The following AAK1 variants were observed in gnomAD, a reference collection of about 807,000 sequenced individuals.
The protein encoded by AAK1 is AP2-associated protein kinase 1.
In AAK1, 37 loss-of-function variants were observed where a neutral mutation model predicts 116.0. The ratio of observed to expected loss-of-function variants is 0.32; its 90% confidence interval spans 0.25 to 0.42. AAK1 has a LOEUF of 0.42. Among genes scored for constraint, AAK1 ranks in the 10% least tolerant of loss-of-function variants. The pLI is 1.00. For synonymous variants in AAK1, 458 were observed against 439.9 expected (o/e 1.04, Z -0.51); for missense variants, 919 against 1,170.6 (o/e 0.79, Z 3.14).
chr2:69,595,469 G>T (rs1673239250), intron 2 of AAK1, among the ~76,000 whole-genome samples: 1 of 152,198 alleles, frequency 6.6e-6, no homozygotes, highest in Non-Finnish European at 1.5e-5. Context: ...GTTTTAGTGT[G>T]CTGGATATAA....
chr2:69,514,415 C>T lies in AAK1; in HGVS notation c.1776+56G>A, dbSNP rs1482285081. ...GCCATCTTTCCCACCCTTCCCCTAG[C>T]TCTCGCTGCACATTCCTCTGCTGCT... is the stretch of plus-strand genomic sequence containing the variant. On this transcript the variant is annotated intron_variant, in intron 13 of 21. Coordinates refer to ENST00000409085, the MANE Select transcript of AAK1 (RefSeq NM_014911.5). The T allele has an allele frequency of 2.0e-6, 3 of 1,468,012 alleles. No individual in the cohort carries two copies. The African/African-American group carries it at 4.2e-5, about 21-fold the overall frequency. 90.9% of individuals were successfully genotyped at this position (1,468,012 alleles called of 1,614,324 possible).
chr2:69,473,215 G>T lies in AAK1; in HGVS notation c.*2654C>A. 1 of 870,716 alleles carries T rather than the reference G, an allele frequency of 1.1e-6. No homozygotes were observed. The highest frequency in any genetic ancestry group is 1.4e-6 in the Non-Finnish European group (1 of 725,304). 53.9% of individuals were successfully genotyped at this position (870,716 alleles called of 1,614,324 possible). ...ATCCCAGGTGGCCTGTCCTGCCCAG[G>T]CCTCTTCTCCCCCGACCCTGTTCAA... On this transcript the variant is annotated 3_prime_UTR_variant, in exon 22 of 22. Coordinates refer to ENST00000409085, the MANE Select transcript of AAK1 (RefSeq NM_014911.5).
intron 2 of AAK1, among the ~76,000 whole-genome samples, chr2:69,570,954 T>C (rs201300242): frequency 8.3e-6 from 1 of 119,844 alleles, no homozygotes; most frequent in East Asian, 3.4e-4. Context: ...AGCTCTAAGT[T>C]TGGTGTAGAT....
chr2:69,561,068 C>T (rs1671615104), intron 2 of AAK1, among the ~76,000 whole-genome samples: 1 of 152,154 alleles, frequency 6.6e-6, no homozygotes, highest in Non-Finnish European at 1.5e-5. Context: ...GTGAAATCTC[C>T]ACATTTAAAC....
At chr2:69,589,288 T>C (rs981167973) in intron 2 of AAK1, among the ~76,000 whole-genome samples, 4 of 152,170 alleles carry the variant, frequency 2.6e-5, no homozygotes, top group Non-Finnish European at 5.9e-5. Context: ...AATATAATTA[T>C]TGGACTCTGA....
Position 69,519,158 on chromosome 2 carries a change from A to G in AAK1, c.1293T>C (p.Thr431=). ...GAGGAGCCTGTGGCTGCTTGGCCTG[A>G]GTTTGCGGCAGAGGCTGGCTGGGTG... The part of the protein sequence containing the change: ...QAPPSQPLPQ[T]QAKQPQAPPT... Residue 431 remains threonine (T), a synonymous_variant, in exon 12 of 22, where the codon ACT becomes ACC. Transcript: ENST00000409085. 6.3e-7 allele frequency: 1 copy of G among 1,581,616 alleles called. No individual in the cohort carries two copies. The highest frequency in any genetic ancestry group is 8.6e-7 in the Non-Finnish European group (1 of 1,163,484).
chr2:69,637,948 C>A (rs1310562467), intron 2 of AAK1, among the ~76,000 whole-genome samples: 4 of 152,132 alleles, frequency 2.6e-5, no homozygotes, highest in Non-Finnish European at 5.9e-5. Flanking sequence ...GTTAGAAAGA[C>A]TGAAAGAAAG....
At chr2:69,504,559 G>A (rs1057372045) in intron 16 of AAK1, among the ~76,000 whole-genome samples, 1 of 152,128 alleles carries the variant, frequency 6.6e-6, no homozygotes, top group Admixed American at 6.5e-5. Context: ...CCTGAGATCA[G>A]GAGTTCAAGA....
Position 69,468,993 on chromosome 2 carries a change from C to A in AAK1, c.*6876G>T. ...ATTTACAAAAACAGTCACAAAAACACCAGAATATCAAGTTTGAAGGGAAAA... is the reference window on the plus strand; with the variant it reads ...ATTTACAAAAACAGTCACAAAAACAACAGAATATCAAGTTTGAAGGGAAAA... On this transcript the variant is annotated 3_prime_UTR_variant, in exon 22 of 22. Coordinates refer to ENST00000409085, the MANE Select transcript of AAK1 (RefSeq NM_014911.5). 1.0e-6 allele frequency: 1 copy of A among 985,348 alleles called. No homozygotes were observed. The highest frequency in any genetic ancestry group is 1.2e-6 in the Non-Finnish European group (1 of 829,916). The allele number at this position is 985,348 out of a possible 1,614,324, so 61.0% of individuals were successfully genotyped here.
intron 16 of AAK1, among the ~76,000 whole-genome samples, chr2:69,501,152 T>C (rs889999089): frequency 1.3e-5 from 2 of 152,190 alleles, no homozygotes; most frequent in African/African-American, 4.8e-5. Context: ...CTTTACACAT[T>C]TGATATGTTT....
rs747136810 is a variant in AAK1, at chr2:69,542,653, A to C, written c.404T>G (p.Val135Gly). Reference sequence around the variant, plus strand: ...TTGCAGGCGCTGGTTCATCAGGTTTACCACCTGGCCACCTGAGGGGGTACG... The same window carrying C: ...TTGCAGGCGCTGGTTCATCAGGTTTCCCACCTGGCCACCTGAGGGGGTACG... ...LMDFCRGGQV[V>G]NLMNQRLQTG... The change falls in exon 5 of 22, where the codon GTA becomes GGA. Residue 135 changes from valine (V) to glycine (G), a missense_variant. By Grantham distance (109) the Val-to-Gly change is moderately radical (BLOSUM62 -3). Coordinates refer to ENST00000409085, the MANE Select transcript of AAK1 (RefSeq NM_014911.5). The C allele has an allele frequency of 6.2e-7, 1 of 1,613,788 alleles. No homozygotes were observed.
intron 9 of AAK1, 70 bp from the exon 10 acceptor site, chr2:69,525,182 G>A: frequency 6.7e-7 from 1 of 1,485,416 alleles, no homozygotes; most frequent in Non-Finnish European, 9.4e-7. Flanking sequence ...AGAATAAGCA[G>A]CCTGACTGGG....
rs994031900 is a variant in AAK1 at position 69,469,713 on chromosome 2, A to G, written c.*6156T>C. ...ATAGAGCCTAACGTAGGGTTTTGTTATAATTCCCTCAAACTGGATCATGCC... is the reference window on the plus strand; with the variant it reads ...ATAGAGCCTAACGTAGGGTTTTGTTGTAATTCCCTCAAACTGGATCATGCC... On this transcript the variant is annotated 3_prime_UTR_variant, in exon 22 of 22. Coordinates refer to ENST00000409085, the MANE Select transcript of AAK1 (RefSeq NM_014911.5). The G allele has an allele frequency of 2.0e-6, 2 of 985,434 alleles. No homozygotes were observed. Among genetic ancestry groups the G allele is most frequent in the Non-Finnish European group, 2.4e-6 (2 of 829,936 alleles). 61.0% of individuals were successfully genotyped at this position (985,434 alleles called of 1,614,324 possible).
chr2:69,465,907 G>A lies in AAK1; in HGVS notation c.*9962C>T, dbSNP rs1020078081. 2 of 1,290,736 alleles carry A rather than the reference G, an allele frequency of 1.5e-6. No homozygotes were observed. Among genetic ancestry groups the A allele is most frequent in the Non-Finnish European group, 2.0e-6 (2 of 988,884 alleles). 80.0% of individuals were successfully genotyped at this position (1,290,736 alleles called of 1,614,324 possible). On this transcript the variant is annotated 3_prime_UTR_variant, in exon 22 of 22. Coordinates refer to ENST00000409085, the MANE Select transcript of AAK1 (RefSeq NM_014911.5). ...AGGGGGACATCACCTGTCTGACTGA[G>A]GAGACCGGTCTGTGCAGGCAGCTCC...
intron 3 of AAK1, among the ~76,000 whole-genome samples, chr2:69,556,657 C>T (rs1394432716): frequency 9.6e-6 from 1 of 104,268 alleles, no homozygotes; most frequent in African/African-American, 5.2e-5. Context: ...TCAGTTCTCT[C>T]AAAATGCTTT....
At chr2:69,558,518 A>C (rs1671488250) in intron 2 of AAK1, among the ~76,000 whole-genome samples, 1 of 152,162 alleles carries the variant, frequency 6.6e-6, no homozygotes, top group African/African-American at 2.4e-5. Context: ...AAGCTGTCAA[A>C]GTTGAAGGCT....
chr2:69,596,832 A>G (rs1435861157), intron 2 of AAK1, among the ~76,000 whole-genome samples: 1 of 152,046 alleles, frequency 6.6e-6, no homozygotes, highest in Non-Finnish European at 1.5e-5. Flanking sequence ...CCCAGGCTGA[A>G]GCTGCATGTT....
rs1670774978 is a variant in AAK1 at position 69,542,807 on chromosome 2, C to T, written c.392-142G>A. 18 of 937,308 alleles carry T rather than the reference C, an allele frequency of 1.9e-5. No homozygotes were observed. The South Asian group carries it at 3.2e-4, about 17-fold the overall frequency. 58.1% of individuals were successfully genotyped at this position (937,308 alleles called of 1,614,324 possible). On this transcript the variant is annotated intron_variant, in intron 4 of 21. Coordinates refer to ENST00000409085, the MANE Select transcript of AAK1 (RefSeq NM_014911.5). The stretch of plus-strand genomic sequence containing the variant: ...CCACTGACTGAGCCAGGATTAAAAC[C>T]TAGTTGTCTTGACTCCCAGCTTGGG...
chr2:69,521,124 TC>T, intron 10 of AAK1, 136 bp from the exon 11 acceptor site: 1 of 944,768 alleles, frequency 1.1e-6, no homozygotes, highest in Non-Finnish European at 1.6e-6. Context: ...CCAAAGAATC[TC>T]CCACAGGATG....
Sources: gnomAD v4.1 joint callset for allele counts (sites outside exome capture counted in the v4.1 genomes callset) on GRCh38, gnomAD v4.1.1 for gene constraint, MANE v1.5 for transcripts, NCBI Gene and HGNC (gene_info 2026-07-23, HGNC 2026-07-21) for gene names.